Variants in MEPE observed in about 807,000 individuals in gnomAD.
The protein encoded by MEPE is matrix extracellular phosphoglycoprotein, also known as matrix, extracellular phosphoglycoprotein with ASARM motif (bone).
Under a neutral mutation model 7.3 loss-of-function variants are expected in MEPE, and 7 were observed. That is an observed-to-expected ratio of 0.95 (90% confidence interval 0.54 to 1.79). The LOEUF is 1.79. Ranked by LOEUF, MEPE falls within the 40% of genes most tolerant of loss-of-function variation. MEPE has a pLI of 0.00. For synonymous variants in MEPE, 214 were observed against 213.1 expected, an observed-to-expected ratio of 1.00 and a Z score of -0.04; for missense variants, 623 against 628.2, an observed-to-expected ratio of 0.99 and a Z score of 0.09.
rs1281372853 is a variant in MEPE, at chr4:87,845,892, A to T, written c.1024A>T (p.Met342Leu). ...CCTTGTAGAGGGCAGCAACGATATC[A>T]TGGGTAGTACCAATTTTAAGGAGCT... ...VSLVEGSNDI[M>L]GSTNFKELPG... is the part of the protein sequence containing the mutation. The change falls in exon 4 of 4, where the codon ATG becomes TTG. Residue 342 changes from methionine (M) to leucine (L), a missense_variant. By Grantham distance (15) the Met-to-Leu change is conservative. Transcript: ENST00000361056. 1 of 1,614,066 alleles carries T rather than the reference A, an allele frequency of 6.2e-7. No individual in the cohort carries two copies. The highest frequency in any genetic ancestry group is 8.5e-7 in the Non-Finnish European group (1 of 1,179,978).
chr4:87,845,491 T>A lies in MEPE; in HGVS notation c.623T>A (p.Val208Glu), dbSNP rs756431253. The A allele has an allele frequency of 2.5e-6, 4 of 1,613,482 alleles. No individual in the cohort carries two copies. The highest frequency in any genetic ancestry group is 3.4e-6 in the Non-Finnish European group (4 of 1,179,902). Residue 208 changes from valine to glutamate, a missense_variant, in exon 4 of 4, where the codon GTA becomes GAA. Transcript: ENST00000361056. The stretch of plus-strand genomic sequence containing the variant: ...GATTCCCAAGCCCAGAAAAGTCCAG[T>A]AAAAAGCAAAAGCACCCATCGTATT... ...QRDSQAQKSPVKSKSTHRIQH... is the reference protein window; with the variant it reads ...QRDSQAQKSPEKSKSTHRIQH...
intron 1 of MEPE, among the ~76,000 whole-genome samples, chr4:87,827,330 C>A (rs116304546): frequency 6.6e-6 from 1 of 152,162 alleles, no homozygotes; most frequent in African/African-American, 2.4e-5. Flanking sequence ...TAGAGAAAAT[C>A]TGGGTTGGTG....
intron 3 of MEPE, among the ~76,000 whole-genome samples, chr4:87,842,100 C>T (rs1055666236): frequency 6.6e-6 from 1 of 152,198 alleles, no homozygotes; most frequent in African/African-American, 2.4e-5. Context: ...CAAGATCACA[C>T]AGCCCATAAA....
rs768219411 is a variant in MEPE at position 87,845,706 on chromosome 4, GA to G, written c.839del (p.Asp280ValfsTer56). 6.2e-7 allele frequency: 1 copy of G among 1,613,676 alleles called. No homozygotes were observed. The highest frequency in any genetic ancestry group is 1.3e-5 in the African/African-American group (1 of 74,860). The part of the protein sequence containing the change: ...EATGPDLEGK[D>X]IQTGFAGPSE... ...TACTGGTCCTGACCTAGAAGGCAAA[GA>G]TATTCAAACAGGGTTTGCAGGCCCA... On this transcript the variant is annotated frameshift_variant, in exon 4 of 4. Coordinates refer to ENST00000361056, the MANE Select transcript of MEPE (RefSeq NM_020203.6). LOFTEE classifies it low-confidence loss of function (END_TRUNC).
chr4:87,831,006 T>C (rs185139437), upstream of MEPE, among the ~76,000 whole-genome samples: 69 of 152,250 alleles, frequency 4.5e-4, no homozygotes, highest in African/African-American at 1.5e-3. Flanking sequence ...AATATACAAC[T>C]GTTAAAGGTG....
At chr4:87,843,831 A>T (rs1723104631) in intron 3 of MEPE, among the ~76,000 whole-genome samples, 1 of 152,172 alleles carries the variant, frequency 6.6e-6, no homozygotes, top group Non-Finnish European at 1.5e-5. Context: ...CGTCCACTAC[A>T]TACCATGCAC....
At chr4:87,841,148 A>T (rs1723000150) in intron 3 of MEPE, among the ~76,000 whole-genome samples, 1 of 152,208 alleles carries the variant, frequency 6.6e-6, no homozygotes, top group Admixed American at 6.5e-5. Flanking sequence ...AGCACCGAAA[A>T]TAAAACATAA....
intron 1 of MEPE, among the ~76,000 whole-genome samples, chr4:87,825,082 C>T (rs1436995591): frequency 5.3e-5 from 8 of 152,192 alleles, no homozygotes; most frequent in Admixed American, 5.2e-4. Flanking sequence ...CTGGCTCAAG[C>T]AATCCACCCT....
chr4:87,824,944 C>T (rs1220701977), intron 1 of MEPE, among the ~76,000 whole-genome samples: 1 of 152,150 alleles, frequency 6.6e-6, no homozygotes, highest in Non-Finnish European at 1.5e-5. Flanking sequence ...ACCTCCCAGG[C>T]TCAGGTGATC....
At position 87,845,656 on chromosome 4, in the gene MEPE, A is replaced by G. The variant is rs932634022; in HGVS notation, c.788A>G (p.Lys263Arg). Residue 263 changes from lysine (K) to arginine (R), a missense_variant, in exon 4 of 4, where the codon AAG (lysine) becomes AGG (arginine). Physicochemically the swap from Lys to Arg is conservative, Grantham distance 26. Coordinates refer to ENST00000361056, the MANE Select transcript of MEPE (RefSeq NM_020203.6). Reference protein sequence around the residue: ...SPFSGDGQPFKDIPGKGEATG... With the variant: ...SPFSGDGQPFRDIPGKGEATG... Reference sequence around the variant, plus strand: ...TTCAGTGGGGACGGCCAACCTTTTAAGGACATTCCTGGTAAAGGAGAAGCT... The same window carrying G: ...TTCAGTGGGGACGGCCAACCTTTTAGGGACATTCCTGGTAAAGGAGAAGCT... The G allele has an allele frequency of 1.9e-6, 3 of 1,613,796 alleles. No individual in the cohort carries two copies. The highest frequency in any genetic ancestry group is 2.5e-6 in the Non-Finnish European group (3 of 1,179,942).
chr4:87,836,705 A>G (rs1722808621), intron 2 of MEPE, among the ~76,000 whole-genome samples: 1 of 152,212 alleles, frequency 6.6e-6, no homozygotes, highest in South Asian at 2.1e-4. Context: ...TTATTACTAA[A>G]TGCTTTTTCA....
chr4:87,835,101 T>A (rs905419259), intron 2 of MEPE, among the ~76,000 whole-genome samples: 2 of 152,208 alleles, frequency 1.3e-5, no homozygotes, highest in African/African-American at 4.8e-5. Flanking sequence ...GGTAAAATAA[T>A]CTTTGACTAT....
chr4:87,830,804 C>G (rs904367258), upstream of MEPE, among the ~76,000 whole-genome samples: 3 of 138,600 alleles, frequency 2.2e-5, no homozygotes, highest in East Asian at 3.9e-4. Context: ...AAAAGAGGAA[C>G]AGCAGAATTT....
intron 3 of MEPE, among the ~76,000 whole-genome samples, chr4:87,842,635 C>T (rs1049471070): frequency 7.2e-5 from 11 of 152,094 alleles, no homozygotes; most frequent in African/African-American, 2.7e-4. Context: ...ACTGTAGTGT[C>T]AACCTGGAGA....
intron 3 of MEPE, chr4:87,839,879 G>A: frequency 3.2e-6 from 5 of 1,542,740 alleles, no homozygotes; most frequent in Non-Finnish European, 4.4e-6. Context: ...CTTGCTCTGG[G>A]GTTTCTGTCT....
Position 87,845,132 on chromosome 4 carries a change from T to A in MEPE, c.264T>A (p.Asn88Lys). The A allele has an allele frequency of 6.2e-7, 1 of 1,613,726 alleles. No individual in the cohort carries two copies. The highest frequency in any genetic ancestry group is 1.3e-5 in the African/African-American group (1 of 74,998). ...ATAAGGGAAGTAGTAAATCTCAAAA[T>A]TATTTCACAAATAGACAGAGACTGA... ...SENKGSSKSQ[N>K]YFTNRQRLNK... The change falls in exon 4 of 4, where the codon AAT (asparagine) becomes AAA (lysine). Residue 88 changes from asparagine to lysine, a missense_variant. By Grantham distance (94) the Asn-to-Lys change is moderately conservative (BLOSUM62 0). Transcript: ENST00000361056.
At chr4:87,838,754 G>C in intron 3 of MEPE, 69 bp downstream of exon 3, 1 of 1,399,178 alleles carries the variant, frequency 7.1e-7, no homozygotes, top group South Asian at 1.2e-5. Flanking sequence ...TAAGAGAAAA[G>C]TGTAACTGTC....
intron 3 of MEPE, among the ~76,000 whole-genome samples, chr4:87,841,084 T>C (rs1425353728): frequency 6.6e-6 from 1 of 152,238 alleles, no homozygotes; most frequent in Non-Finnish European, 1.5e-5. Context: ...CTCAGTCTTC[T>C]AATAAAATGC....
At chr4:87,842,522 C>T (rs1025705451) in intron 3 of MEPE, among the ~76,000 whole-genome samples, 7 of 152,078 alleles carry the variant, frequency 4.6e-5, no homozygotes, top group African/African-American at 1.4e-4. Context: ...TGCTTGGGGT[C>T]GATCAGGCCA....
Sources: gnomAD v4.1 joint callset for allele counts (sites outside exome capture counted in the v4.1 genomes callset) on GRCh38, gnomAD v4.1.1 for gene constraint, MANE v1.5 for transcripts, NCBI Gene and HGNC (gene_info 2026-07-23, HGNC 2026-07-21) for gene names.